The following HCLS1 variants were observed in gnomAD, a reference collection of about 807,000 sequenced individuals.
HCLS1 encodes hematopoietic cell-specific Lyn substrate 1.
HCLS1 carries 44 observed loss-of-function variants against 68.6 expected under a neutral mutation model. The ratio of observed to expected loss-of-function variants is 0.64; its 90% confidence interval spans 0.50 to 0.82. The LOEUF (loss-of-function observed/expected upper bound fraction) is 0.82. Ranked by LOEUF, HCLS1 falls within the 40% of genes least tolerant of loss-of-function variation. HCLS1 has a pLI of 0.00. For synonymous variants in HCLS1, 217 were observed against 225.8 expected, an observed-to-expected ratio of 0.96 and a Z score of 0.35; for missense variants, 602 against 612.1, an observed-to-expected ratio of 0.98 and a Z score of 0.17.
intron 3 of HCLS1, among the ~76,000 whole-genome samples, chr3:121,649,526 C>T (rs572716066): frequency 7.9e-5 from 12 of 152,304 alleles, no homozygotes; most frequent in African/African-American, 2.2e-4. Flanking sequence ...TGAGCCACCA[C>T]GCCTGGCCTA....
intron 3 of HCLS1, chr3:121,657,058 G>C: frequency 2.3e-6 from 1 of 444,040 alleles, no homozygotes; most frequent in Non-Finnish European, 4.1e-6. Context: ...ATAAAAGATA[G>C]ATAATAGGGT....
At chr3:121,632,994 AC>A in intron 11 of HCLS1, 72 bp downstream of exon 11, 1 of 1,054,506 alleles carries the variant, frequency 9.5e-7, no homozygotes, top group Non-Finnish European at 1.4e-6. Flanking sequence ...ATGGTTGGCC[AC>A]CCTGCACAGC....
intron 4 of HCLS1, among the ~76,000 whole-genome samples, chr3:121,645,154 A>T (rs184207164): frequency 6.6e-6 from 1 of 152,282 alleles, no homozygotes; most frequent in Non-Finnish European, 1.5e-5. Context: ...CTTCATTCTG[A>T]ACACTCCCAT....
chr3:121,639,300 C>A (rs1206084681), intron 6 of HCLS1, among the ~76,000 whole-genome samples: 3 of 152,108 alleles, frequency 2.0e-5, no homozygotes, highest in Admixed American at 2.0e-4. Context: ...AGACCATGTG[C>A]CAGTCCATAA....
chr3:121,640,580 T>C (rs547787307), intron 6 of HCLS1, among the ~76,000 whole-genome samples: 1 of 151,852 alleles, frequency 6.6e-6, no homozygotes, highest in African/African-American at 2.4e-5. Context: ...GAAACCATAA[T>C]GTCTTATGGA....
At chr3:121,632,997 C>T in intron 11 of HCLS1, 70 bp downstream of exon 11, 1 of 1,094,792 alleles carries the variant, frequency 9.1e-7, no homozygotes, top group Non-Finnish European at 1.4e-6. Flanking sequence ...GTTGGCCACC[C>T]TGCACAGCCC....
chr3:121,643,250 C>A, intron 5 of HCLS1: 1 of 297,074 alleles, frequency 3.4e-6, no homozygotes, highest in Non-Finnish European at 6.5e-6. Flanking sequence ...TATTACTAAG[C>A]CCCAGTCTCT....
At chr3:121,648,590 C>G (rs1937661135) in intron 3 of HCLS1, among the ~76,000 whole-genome samples, 1 of 152,142 alleles carries the variant, frequency 6.6e-6, no homozygotes, top group African/African-American at 2.4e-5. Context: ...TGAGCTGGGA[C>G]TTTACCAGCG....
intron 3 of HCLS1, among the ~76,000 whole-genome samples, chr3:121,656,602 T>C (rs1342388580): frequency 6.6e-6 from 1 of 152,224 alleles, no homozygotes; most frequent in East Asian, 1.9e-4. Flanking sequence ...GTAAAATGCA[T>C]ATGGGGCTAT....
intron 1 of HCLS1, among the ~76,000 whole-genome samples, chr3:121,659,584 G>A (rs546594848): frequency 2.0e-5 from 3 of 152,310 alleles, no homozygotes; most frequent in Admixed American, 6.5e-5. Context: ...GGGGAAGTCT[G>A]GGTAAATCAG....
In HCLS1 at chr3:121,646,597, T is replaced by A. The variant is rs573134499; in HGVS notation, c.288+722A>T. Among the ~76,000 whole-genome samples, 217 of 111,310 alleles carry A rather than the reference T, an allele frequency of 1.9e-3. 2 individuals are homozygous for A. Among genetic ancestry groups the A allele is most frequent in the African/African-American group, 7.5e-3 (207 of 27,422 alleles). 73.0% of individuals were successfully genotyped at this position (111,310 alleles called of 152,430 possible). ...CATATATTAATATATATAATATATA[T>A]TAATATATATACTTATTATATATTA... is the stretch of plus-strand genomic sequence containing the variant. On this transcript the variant is annotated intron_variant, in intron 4 of 13. Coordinates refer to ENST00000314583, the MANE Select transcript of HCLS1 (RefSeq NM_005335.6).
intron 3 of HCLS1, among the ~76,000 whole-genome samples, chr3:121,650,438 T>C (rs1184567781): frequency 2.0e-5 from 3 of 152,052 alleles, no homozygotes; most frequent in East Asian, 1.9e-4. Context: ...AAAGCTACAA[T>C]AATCAGTGCA....
intron 3 of HCLS1, among the ~76,000 whole-genome samples, chr3:121,654,921 T>C (rs1485359266): frequency 6.6e-6 from 1 of 152,146 alleles, no homozygotes; most frequent in Non-Finnish European, 1.5e-5. Context: ...AGTGGAGACT[T>C]ACTACTGGAA....
At position 121,634,643 on chromosome 3, in the gene HCLS1, CT is replaced by C. The variant is rs1283542925; in HGVS notation, c.692-226del. ...AGGCTATACGACCTAAGACTCGTGT[CT>C]TTTTTTTTTCTTGAGACAGGGTCTC... is the stretch of plus-strand genomic sequence containing the variant. On this transcript the variant is annotated intron_variant, in intron 9 of 13. Coordinates refer to ENST00000314583, the MANE Select transcript of HCLS1 (RefSeq NM_005335.6). Among the ~76,000 whole-genome samples, 15 of 149,488 alleles carry C rather than the reference CT, an allele frequency of 1.0e-4. No homozygotes were observed. The South Asian group carries it at 2.5e-3, about 25-fold the overall frequency.
Position 121,634,201 on chromosome 3 carries a change from G to A in HCLS1, c.903+6C>T, listed in dbSNP as rs779366301. ...GGATGTGGATCCCAGAGGGCCAGGC[G>A]CTCACCTCTGAGGAGATTTTCTTGG... On this transcript the variant is annotated splice_donor_region_variant and intron_variant, in intron 10 of 13. Coordinates refer to ENST00000314583, the MANE Select transcript of HCLS1 (RefSeq NM_005335.6). The A allele has an allele frequency of 2.1e-5, 34 of 1,613,882 alleles. No individual in the cohort carries two copies. The highest frequency in any genetic ancestry group is 1.7e-4 in the Middle Eastern group (1 of 6,008).
Position 121,635,306 on chromosome 3 carries a change from C to T in HCLS1, c.691+429G>A, listed in dbSNP as rs541644137. ...TCTCCTCTCTCTCTCTTTCTTTCGT[C>T]TCACTCTGTCACCCAGGCTGGAGTT... On this transcript the variant is annotated intron_variant, in intron 9 of 13. Transcript: ENST00000314583. Among the ~76,000 whole-genome samples the T allele has an allele frequency of 2.0e-5, 3 of 147,686 alleles. No homozygotes were observed. In the South Asian group the frequency reaches 6.8e-4, roughly 33 times the overall value.
Position 121,647,347 on chromosome 3 carries a change from A to G in HCLS1, c.260T>C (p.Phe87Ser). The change falls in exon 4 of 14, where the codon TTT becomes TCT. Residue 87 changes from phenylalanine (F) to serine (S), a missense_variant. By Grantham distance (155) the Phe-to-Ser change is radical. Coordinates refer to ENST00000314583, the MANE Select transcript of HCLS1 (RefSeq NM_005335.6). ...GTCCATTCGGTCTCTTTCTACTCCAAACCGACCTCCATAGCCATGGGATGC... is the reference window on the plus strand; with the variant it reads ...GTCCATTCGGTCTCTTTCTACTCCAGACCGACCTCCATAGCCATGGGATGC... ...PKASHGYGGRFGVERDRMDKS... is the reference protein window; with the variant it reads ...PKASHGYGGRSGVERDRMDKS... 2 of 1,613,816 alleles carry G rather than the reference A, an allele frequency of 1.2e-6. No individual in the cohort carries two copies. Among genetic ancestry groups the G allele is most frequent in the South Asian group, 2.2e-5 (2 of 91,060 alleles).
rs772196565 is a variant in HCLS1 at position 121,658,288 on chromosome 3, A to G, written c.60T>C (p.Asp20=). The change falls in exon 2 of 14, where the codon GAT becomes GAC. Residue 20 remains aspartate (D), a synonymous_variant. Coordinates refer to ENST00000314583, the MANE Select transcript of HCLS1 (RefSeq NM_005335.6). The part of the protein sequence containing the change: ...VSVSVETQGD[D]WDTDPDFVND... The stretch of plus-strand genomic sequence containing the variant: ...CCACAAAGTCAGGATCTGTGTCCCA[A>G]TCATCACCCTGGGTCTCCACGGAAA... 1.8e-5 allele frequency: 29 copies of G among 1,613,840 alleles called. No individual in the cohort carries two copies. Among genetic ancestry groups the G allele is most frequent in the South Asian group, 1.5e-4 (14 of 91,082 alleles).
In HCLS1 at chr3:121,636,481, T is replaced by TG. The variant is rs761791701; in HGVS notation, c.573dup (p.Lys192GlnfsTer16). 6.2e-7 allele frequency: 1 copy of TG among 1,613,290 alleles called. No individual in the cohort carries two copies. Among genetic ancestry groups the TG allele is most frequent in the Admixed American group, 1.7e-5 (1 of 60,008 alleles). The stretch of plus-strand genomic sequence containing the variant: ...ATTCCATACTGGCCACCAAAGCCCT[T>TG]GGCATAATCTGCAGGACAGAAAGTT... On this transcript the variant is annotated frameshift_variant, in exon 8 of 14. Transcript: ENST00000314583. LOFTEE classifies it high-confidence loss of function.
Sources: allele counts gnomAD v4.1 joint callset (sites outside exome capture counted in the v4.1 genomes callset), GRCh38; gene constraint gnomAD v4.1.1; transcripts MANE v1.5; gene names NCBI Gene and HGNC (gene_info 2026-07-23, HGNC 2026-07-21).